VPS13B: variants seen among roughly 807,000 people sequenced by gnomAD.
The protein encoded by VPS13B is vacuolar protein sorting 13 homolog B, also known as intermembrane lipid transfer protein VPS13B.
Under a neutral mutation model 426.4 loss-of-function variants are expected in VPS13B, and 285 were observed. The ratio of observed to expected loss-of-function variants is 0.67; its 90% CI spans 0.61 to 0.74. The LOEUF (loss-of-function observed/expected upper bound fraction) is 0.74. VPS13B is among the 30% of genes least tolerant of loss of function. The probability of loss-of-function intolerance (pLI) is 0.00; values close to 1 mark genes in which losing one functional copy is unlikely to be tolerated. For missense variants in VPS13B, 4,537 were observed against 4,782.6 expected, an observed-to-expected ratio of 0.95 and a Z score of 1.51; for synonymous variants, 1,676 against 1,676.4, an observed-to-expected ratio of 1.00 and a Z score of 0.01.
At chr8:99,695,231 A>G (rs1391723466) in intron 35 of VPS13B, among the ~76,000 whole-genome samples, 28 of 150,474 alleles carry the variant, frequency 1.9e-4, no homozygotes, top group Admixed American at 1.8e-3. Context: ...TCATGCTGCT[A>G]TAAAGACACA....
At chr8:99,101,015 G>A in intron 4 of VPS13B, among the ~76,000 whole-genome samples, 1 of 151,710 alleles carries the variant, frequency 6.6e-6, no homozygotes, top group East Asian at 1.9e-4. Flanking sequence ...TTGCACTCTA[G>A]CCTGGACGAT....
intron 19 of VPS13B, among the ~76,000 whole-genome samples, chr8:99,318,689 A>AT (rs1809809682): frequency 6.6e-6 from 1 of 151,850 alleles, no homozygotes; most frequent in African/African-American, 2.4e-5. Context: ...CTAGCAGCTA[A>AT]TTTTTGTATT....
intron 27 of VPS13B, 80 bp from the exon 28 acceptor site, chr8:99,507,057 A>C: frequency 6.7e-7 from 1 of 1,500,352 alleles, no homozygotes; most frequent in South Asian, 1.1e-5. Flanking sequence ...CTTTAGACTT[A>C]TTTGAAATAG....
At chr8:99,639,731 G>T (rs181326111) in intron 33 of VPS13B, among the ~76,000 whole-genome samples, 3 of 148,796 alleles carry the variant, frequency 2.0e-5, no homozygotes, top group Admixed American at 6.7e-5. Context: ...GCAGCTTTGG[G>T]AGGCTGAGGC....
intron 36 of VPS13B, among the ~76,000 whole-genome samples, chr8:99,705,825 A>G (rs1008824491): frequency 3.9e-5 from 6 of 152,154 alleles, no homozygotes; most frequent in African/African-American, 1.4e-4. Flanking sequence ...GAGATATGGA[A>G]GATATCCACT....
At chr8:99,129,444 T>C (rs1361564151) in intron 8 of VPS13B, among the ~76,000 whole-genome samples, 1 of 151,710 alleles carries the variant, frequency 6.6e-6, no homozygotes, top group African/African-American at 2.4e-5. Flanking sequence ...GGCGCTTGCC[T>C]GTAATCCTAG....
rs576146081 is a variant in VPS13B, at chr8:99,191,837, G to A, written c.2334-1039G>A. Among the ~76,000 whole-genome samples the A allele has an allele frequency of 2.6e-5, 4 of 152,232 alleles. No individual in the cohort carries two copies. In the South Asian group the frequency reaches 8.3e-4, roughly 32 times the overall value. The stretch of plus-strand genomic sequence containing the variant: ...GTTTGCTGGTGTCTCATGCTGCATG[G>A]TGGCTTTAGGCAATGCAAATGAAAG... On this transcript the variant is annotated intron_variant, in intron 16 of 61. Coordinates refer to ENST00000357162, the MANE Select transcript of VPS13B (RefSeq NM_152564.5).
At chr8:99,086,142 G>A (rs929748643) in intron 3 of VPS13B, among the ~76,000 whole-genome samples, 53 of 152,188 alleles carry the variant, frequency 3.5e-4, no homozygotes, top group African/African-American at 1.2e-3. Flanking sequence ...ATATTTCTTG[G>A]AGGCTTTGTT....
At chr8:99,421,049 T>G (rs150213267) in intron 21 of VPS13B, among the ~76,000 whole-genome samples, 189 of 152,302 alleles carry the variant, frequency 1.2e-3, no homozygotes, top group African/African-American at 4.4e-3. Flanking sequence ...TACACATATT[T>G]TTAACTTTAA....
At chr8:99,832,912 A>G (rs1238220188) in intron 52 of VPS13B, among the ~76,000 whole-genome samples, 1 of 152,236 alleles carries the variant, frequency 6.6e-6, no homozygotes, top group Non-Finnish European at 1.5e-5. Flanking sequence ...ACAGAATGTC[A>G]TTATATGAAA....
intron 3 of VPS13B, among the ~76,000 whole-genome samples, chr8:99,087,299 G>A (rs768458351): frequency 3.9e-5 from 6 of 152,136 alleles, no homozygotes; most frequent in Non-Finnish European, 7.4e-5. Context: ...TGCTAAGACC[G>A]TTGGAAAAGC....
chr8:99,198,213 A>C (rs900206379), intron 17 of VPS13B, among the ~76,000 whole-genome samples: 3 of 152,136 alleles, frequency 2.0e-5, no homozygotes, highest in African/African-American at 7.2e-5. Context: ...CTACAGTAAC[A>C]TCTTCCTTGG....
chr8:99,305,958 C>T (rs1429495123), intron 19 of VPS13B, among the ~76,000 whole-genome samples: 2 of 152,086 alleles, frequency 1.3e-5, no homozygotes, highest in Non-Finnish European at 2.9e-5. Flanking sequence ...TTGCCTGTTT[C>T]TCACTTAACC....
intron 39 of VPS13B, among the ~76,000 whole-genome samples, chr8:99,748,813 A>T (rs758783309): frequency 2.0e-5 from 3 of 151,990 alleles, no homozygotes; most frequent in African/African-American, 4.8e-5. Flanking sequence ...TTAAACTATT[A>T]TGATGTATGG....
chr8:99,227,979 G>C (rs1816103562), intron 17 of VPS13B, among the ~76,000 whole-genome samples: 1 of 152,108 alleles, frequency 6.6e-6, no homozygotes, highest in African/African-American at 2.4e-5. Context: ...TTAAGGGTGT[G>C]GAACCAAGCC....
At chr8:99,624,960 A>G (rs1007902444) in intron 33 of VPS13B, among the ~76,000 whole-genome samples, 7 of 151,738 alleles carry the variant, frequency 4.6e-5, no homozygotes, top group Non-Finnish European at 7.4e-5. Context: ...TGGGATTACA[A>G]GCATGCGCCA....
intron 43 of VPS13B, among the ~76,000 whole-genome samples, chr8:99,793,166 T>G (rs1333959588): frequency 6.7e-6 from 1 of 148,994 alleles, no homozygotes; most frequent in Non-Finnish European, 1.5e-5. Flanking sequence ...ATCATGCCAC[T>G]GCACTCCAGC....
At chr8:99,865,107 G>A (rs568106919) in intron 58 of VPS13B, among the ~76,000 whole-genome samples, 3 of 152,234 alleles carry the variant, frequency 2.0e-5, no homozygotes, top group African/African-American at 4.8e-5. Flanking sequence ...AGATGCTGCC[G>A]AGGCCTTTGG....
At chr8:99,341,821 A>T in intron 19 of VPS13B, 1 of 250,848 alleles carries the variant, frequency 4.0e-6, no homozygotes, top group Non-Finnish European at 8.3e-6. Context: ...GCACAGGAGG[A>T]AAGAAGATTT....
Sources: gnomAD v4.1 joint callset for allele counts (sites outside exome capture counted in the v4.1 genomes callset) on GRCh38, gnomAD v4.1.1 for gene constraint, MANE v1.5 for transcripts, NCBI Gene and HGNC (gene_info 2026-07-23, HGNC 2026-07-21) for gene names.